The following ABCA3 variants were observed in gnomAD, a reference collection of about 807,000 sequenced individuals.
The protein encoded by ABCA3 is phospholipid-transporting ATPase ABCA3.
Under a neutral mutation model 172.8 loss-of-function variants are expected in ABCA3, and 88 were observed. The ratio of observed to expected loss-of-function variants is 0.51; its 90% CI spans 0.43 to 0.61. The LOEUF is 0.61. ABCA3 is among the 20% of genes least tolerant of loss of function. The pLI is 0.00. For synonymous variants in ABCA3, 1,066 were observed against 983.8 expected (o/e 1.08, Z -1.56); for missense variants, 2,164 against 2,301.0 (o/e 0.94, Z 1.22).
chr16:2,280,346 C>A (rs187567965), intron 28 of ABCA3, among the ~76,000 whole-genome samples: 91 of 152,354 alleles, frequency 6.0e-4, no homozygotes, highest in Admixed American at 1.3e-3. Flanking sequence ...TTGCTTCCAG[C>A]CATGGTACCA....
chr16:2,305,060 G>C (rs190252358), intron 11 of ABCA3, among the ~76,000 whole-genome samples: 25 of 152,194 alleles, frequency 1.6e-4, no homozygotes, highest in African/African-American at 5.3e-4. Context: ...CAACCTACCC[G>C]CCTTGGCCTC....
At chr16:2,304,213 G>GC in intron 11 of ABCA3, 63 bp from the exon 12 acceptor site, 1 of 1,572,940 alleles carries the variant, frequency 6.4e-7, no homozygotes, top group Non-Finnish European at 8.7e-7. Flanking sequence ...GGGACCCGAA[G>GC]CCCCTGATGG....
rs323044 is a variant in ABCA3, at chr16:2,298,207, G to C, written c.1896+179C>G. On this transcript the variant is annotated intron_variant, in intron 15 of 32. Transcript: ENST00000301732. ...GGGAGATGCAGGGCTCCTGGCGGGA[G>C]GCCGACCCTGGCCAGCGAGGTTCTG... Among the ~76,000 whole-genome samples the C allele has an allele frequency of 0.64, 90,908 of 141,092 alleles. 29,552 individuals carry two copies. Among genetic ancestry groups the C allele is most frequent in the African/African-American group, 0.78 (30,285 of 39,032 alleles). The allele number at this position is 141,092 out of a possible 152,430, so 92.6% of individuals were successfully genotyped here. A position where few individuals can be genotyped will look rare whatever the true frequency, so the allele number is the denominator to read the frequency against.
At chr16:2,337,166 C>T (rs2093753172) in intron 1 of ABCA3, among the ~76,000 whole-genome samples, 1 of 151,670 alleles carries the variant, frequency 6.6e-6, no homozygotes, top group African/African-American at 2.4e-5. Flanking sequence ...TGTCTCATCT[C>T]AGCCTCCCAA....
At position 2,278,416 on chromosome 16, in the gene ABCA3, G is replaced by A. The variant is rs375910092; in HGVS notation, c.4590C>T (p.Ile1530=). 2.5e-6 allele frequency: 4 copies of A among 1,612,790 alleles called. No individual in the cohort carries two copies. The highest frequency in any genetic ancestry group is 1.3e-5 in the African/African-American group (1 of 74,948). The stretch of plus-strand genomic sequence containing the variant: ...CCAGGAAGATGACAGCAGGCTCTCC[G>A]ATCAGGGCGATGCCGGTGCTCAGCT... The part of the protein sequence containing the change: ...KRKLSTGIAL[I]GEPAVIFLDE... The change falls in exon 30 of 33, where the codon ATC becomes ATT. Residue 1530 remains isoleucine, a synonymous_variant. Transcript: ENST00000301732. The surrounding 1 kb of genome is among the most constrained non-coding windows in gnomAD (Gnocchi z 4.4).
At chr16:2,308,320 G>C in intron 11 of ABCA3, 130 bp downstream of exon 11, 1 of 1,128,262 alleles carries the variant, frequency 8.9e-7, no homozygotes, top group Non-Finnish European at 1.3e-6. Flanking sequence ...TGCGGATGCT[G>C]CTGCCTTCAG....
chr16:2,291,576 C>T (rs571204312), intron 19 of ABCA3, among the ~76,000 whole-genome samples: 4 of 152,330 alleles, frequency 2.6e-5, no homozygotes, highest in South Asian at 2.1e-4. Flanking sequence ...CAGCTAGACC[C>T]GTGGCGGGTC....
rs374138846 is a variant in ABCA3, at chr16:2,304,115, C to T, written c.1321G>A (p.Val441Ile). 2.5e-5 allele frequency: 41 copies of T among 1,614,050 alleles called. No individual in the cohort carries two copies. The highest frequency in any genetic ancestry group is 2.1e-4 in the South Asian group (19 of 91,086). The stretch of plus-strand genomic sequence containing the variant: ...AAGCAGAAGTCGTCGTCCACGTTGA[C>T]GGGACTCAGGAGGTCTCGCCACTGG... ...GIQWRDLLSP[V>I]NVDDDFCFGQ... The change falls in exon 12 of 33, where the codon GTC becomes ATC. Residue 441 changes from valine to isoleucine, a missense_variant. Physicochemically the swap from Val to Ile is conservative, Grantham distance 29. Coordinates refer to ENST00000301732, the MANE Select transcript of ABCA3 (RefSeq NM_001089.3).
intron 8 of ABCA3, 137 bp from the exon 9 acceptor site, chr16:2,317,901 A>G: frequency 1.3e-6 from 1 of 754,214 alleles, no homozygotes; most frequent in South Asian, 1.6e-5. Context: ...TATGTCGGCC[A>G]GGCTCATCTT....
chr16:2,324,745 TCTC>T (rs974166755), intron 5 of ABCA3, among the ~76,000 whole-genome samples: 3 of 151,916 alleles, frequency 2.0e-5, no homozygotes, highest in African/African-American at 7.3e-5. Context: ...GGCAGTGAGT[TCTC>T]CTGGTGCGGG....
At chr16:2,326,546 T>C in intron 3 of ABCA3, 54 bp from the exon 4 acceptor site, 1 of 1,533,046 alleles carries the variant, frequency 6.5e-7, no homozygotes, top group South Asian at 1.2e-5. Flanking sequence ...ACACGCAGAG[T>C]GGGGATTTGG....
rs2093662162 is a variant in ABCA3 at position 2,285,751 on chromosome 16, A to G, written c.3279-105T>C. On this transcript the variant is annotated intron_variant, in intron 22 of 32. Coordinates refer to ENST00000301732, the MANE Select transcript of ABCA3 (RefSeq NM_001089.3). The surrounding 1 kb of genome is among the most constrained non-coding windows in gnomAD (Gnocchi z 4.7). ...CCCAAGGCATGCAGGGCAGCAGCCC[A>G]ACCACTAAAGGGGCTTATGGGAGAG... The G allele has an allele frequency of 8.9e-7, 1 of 1,128,484 alleles. No homozygotes were observed. The highest frequency in any genetic ancestry group is 1.3e-6 in the Non-Finnish European group (1 of 771,028). 69.9% of individuals were successfully genotyped at this position (1,128,484 alleles called of 1,614,324 possible).
Position 2,328,662 on chromosome 16 carries a change from G to A in ABCA3, c.-236C>T, listed in dbSNP as rs323048. The A allele has an allele frequency of 3.5e-5, 16 of 451,910 alleles. No homozygotes were observed. The highest frequency in any genetic ancestry group is 1.7e-4 in the South Asian group (11 of 64,236). 28.0% of individuals were successfully genotyped at this position (451,910 alleles called of 1,614,324 possible). On this transcript the variant is annotated 5_prime_UTR_variant, in exon 3 of 33. Transcript: ENST00000301732. ...ACTCGCTACAACTGCAGGCAGAGAG[G>A]AGTCCTTCCCGCTCAGCGTCCTTCA... is the stretch of plus-strand genomic sequence containing the variant.
intron 1 of ABCA3, among the ~76,000 whole-genome samples, chr16:2,333,852 C>T (rs893192288): frequency 3.9e-5 from 6 of 151,992 alleles, no homozygotes; most frequent in African/African-American, 1.4e-4. Context: ...CCATGCCTTG[C>T]CAATTTTTTG....
Position 2,285,130 on chromosome 16 carries a change from C to A in ABCA3, c.3484-132G>T. The A allele has an allele frequency of 9.5e-7, 1 of 1,057,906 alleles. No individual in the cohort carries two copies. Among genetic ancestry groups the A allele is most frequent in the South Asian group, 1.4e-5 (1 of 73,678 alleles). The allele number at this position is 1,057,906 out of a possible 1,614,324, so 65.5% of individuals were successfully genotyped here. A position where few individuals can be genotyped will look rare whatever the true frequency, so the allele number is the denominator to read the frequency against. ...AGCTGGCCCATGTCCATCAGCCCCACAGGCCACGTCTGGCCCCCGCGGTGG... is the reference window on the plus strand; with the variant it reads ...AGCTGGCCCATGTCCATCAGCCCCAAAGGCCACGTCTGGCCCCCGCGGTGG... On this transcript the variant is annotated intron_variant, in intron 23 of 32. Coordinates refer to ENST00000301732, the MANE Select transcript of ABCA3 (RefSeq NM_001089.3). The surrounding 1 kb of genome is among the most constrained non-coding windows in gnomAD (Gnocchi z 4.7).
Position 2,297,615 on chromosome 16 carries a change from A to G in ABCA3, c.2053-76T>C. 1 of 1,595,718 alleles carries G rather than the reference A, an allele frequency of 6.3e-7. No individual in the cohort carries two copies. Among genetic ancestry groups the G allele is most frequent in the Non-Finnish European group, 8.5e-7 (1 of 1,171,616 alleles). On this transcript the variant is annotated intron_variant, in intron 16 of 32. Coordinates refer to ENST00000301732, the MANE Select transcript of ABCA3 (RefSeq NM_001089.3). This position sits in a 1 kb window ranked among gnomAD's most constrained non-coding sequence, Gnocchi z 5.6. Reference sequence around the variant, plus strand: ...CCAGGCTGGCCTTGCGGTAGGCCCCATCGAGGGGTTCGCGGAGCCGGCTTG... The same window carrying G: ...CCAGGCTGGCCTTGCGGTAGGCCCCGTCGAGGGGTTCGCGGAGCCGGCTTG...
chr16:2,315,269 G>A (rs1484033002), intron 10 of ABCA3, among the ~76,000 whole-genome samples: 1 of 150,366 alleles, frequency 6.7e-6, no homozygotes, highest in Non-Finnish European at 1.5e-5. Context: ...GATATTACCC[G>A]AAATCTCATT....
rs1391080883 is a variant in ABCA3, at chr16:2,277,677, A to G, written c.4910-7T>C. ...TCATCTTCCAGGACGCTGCCTGCACAAAGGAGAGACGGTGTTGCTGTGAGC... is the reference window on the plus strand; with the variant it reads ...TCATCTTCCAGGACGCTGCCTGCACGAAGGAGAGACGGTGTTGCTGTGAGC... On this transcript the variant is annotated splice_region_variant and splice_polypyrimidine_tract_variant and intron_variant, in intron 31 of 32. Transcript: ENST00000301732. This position sits in a 1 kb window ranked among gnomAD's most constrained non-coding sequence, Gnocchi z 5.3. 2 of 1,612,996 alleles carry G rather than the reference A, an allele frequency of 1.2e-6. No individual in the cohort carries two copies. Among genetic ancestry groups the G allele is most frequent in the South Asian group, 1.1e-5 (1 of 91,082 alleles).
intron 6 of ABCA3, 63 bp downstream of exon 6, chr16:2,324,341 C>T (rs1475763599): frequency 3.3e-6 from 5 of 1,536,284 alleles, no homozygotes; most frequent in Admixed American, 2.0e-5. Context: ...GAACTAGTGA[C>T]GCGGGAGGAA....
Sources: gnomAD v4.1 joint callset for allele counts (sites outside exome capture counted in the v4.1 genomes callset) on GRCh38, gnomAD v4.1.1 for gene constraint, Gnocchi (gnomAD v3.1) non-coding constraint, MANE v1.5 for transcripts, NCBI Gene and HGNC (gene_info 2026-07-23, HGNC 2026-07-21) for gene names.